Variants in TOM1L1 observed in about 807,000 individuals in gnomAD.
TOM1L1 encodes target of myb1 like 1 membrane trafficking protein.
A neutral mutation model predicts 63.4 loss-of-function variants in TOM1L1; 64 were observed. That is an observed-to-expected ratio of 1.01 (90% CI 0.83 to 1.24). The LOEUF (loss-of-function observed/expected upper bound fraction) is 1.24. Among genes scored for constraint, TOM1L1 ranks in the 50% most tolerant of loss-of-function variants. TOM1L1 has a pLI of 0.00. For synonymous variants in TOM1L1, 166 were observed against 194.4 expected, an observed-to-expected ratio of 0.85 and a Z score of 1.22; for missense variants, 536 against 567.0, an observed-to-expected ratio of 0.95 and a Z score of 0.55.
At chr17:54,916,222 A>G (rs2048586749) in intron 7 of TOM1L1, 3 of 319,370 alleles carry the variant, frequency 9.4e-6, no homozygotes, top group Admixed American at 9.3e-5. Flanking sequence ...GAAGGAGGCT[A>G]TTCTAGTCCT....
chr17:54,909,757 C>T (rs573406282), intron 3 of TOM1L1, among the ~76,000 whole-genome samples: 42 of 152,304 alleles, frequency 2.8e-4, no homozygotes, highest in Admixed American at 7.8e-4. Context: ...TGGAGTCACC[C>T]ACTTCAGTCT....
chr17:54,947,521 T>A (rs2049140674), intron 12 of TOM1L1, among the ~76,000 whole-genome samples: 1 of 152,264 alleles, frequency 6.6e-6, no homozygotes, highest in Admixed American at 6.5e-5. Context: ...ACTTCAGACA[T>A]GCTCTTCTAC....
intron 1 of TOM1L1, among the ~76,000 whole-genome samples, chr17:54,901,658 G>A (rs1010471331): frequency 6.6e-6 from 1 of 152,090 alleles, no homozygotes; most frequent in African/African-American, 2.4e-5. Flanking sequence ...CTTGGGAATT[G>A]GGTGTGGCAC....
At chr17:54,934,696 G>A (rs9900816) in intron 8 of TOM1L1, among the ~76,000 whole-genome samples, 43,939 of 150,936 alleles carry the variant, frequency 0.29, 6,395 homozygotes, top group Middle Eastern at 0.31. Flanking sequence ...TAAGAAGCTA[G>A]TGCTATAACT....
At chr17:54,921,352 T>TAAGG (rs1462480901) in intron 7 of TOM1L1, among the ~76,000 whole-genome samples, 1 of 152,188 alleles carries the variant, frequency 6.6e-6, no homozygotes, top group Non-Finnish European at 1.5e-5. Context: ...ACAAATTCTA[T>TAAGG]ATAGCATTTT....
intron 12 of TOM1L1, among the ~76,000 whole-genome samples, chr17:54,947,764 G>A (rs569120146): frequency 6.6e-6 from 1 of 152,076 alleles, no homozygotes; most frequent in Non-Finnish European, 1.5e-5. Context: ...ACCTTTTCTT[G>A]TTGGAGACCC....
chr17:54,943,538 T>C (rs1207998613), intron 11 of TOM1L1, among the ~76,000 whole-genome samples: 1 of 151,670 alleles, frequency 6.6e-6, no homozygotes, highest in Non-Finnish European at 1.5e-5. Context: ...TTCCTGTTAT[T>C]TTGCTAATTT....
At chr17:54,914,598 G>A (rs1222952643) in intron 5 of TOM1L1, 41 bp from the exon 6 acceptor site, 2 of 1,552,616 alleles carry the variant, frequency 1.3e-6, no homozygotes, top group African/African-American at 2.7e-5. Context: ...GGGTGGCTAT[G>A]TTAATTCACA....
At chr17:54,935,159 G>T (rs186012977) in intron 8 of TOM1L1, among the ~76,000 whole-genome samples, 166 of 152,278 alleles carry the variant, frequency 1.1e-3, no homozygotes, top group Non-Finnish European at 8.8e-5. Context: ...GGGGGGCTGA[G>T]TCCAAAAAAT....
intron 14 of TOM1L1, chr17:54,953,016 AC>A (rs2049313409): frequency 6.6e-6 from 1 of 152,212 alleles, no homozygotes; most frequent in Non-Finnish European, 1.5e-5. Context: ...CCCCTTATAT[AC>A]ATTTCTTCCT....
At chr17:54,937,712 C>G (rs2048972547) in intron 10 of TOM1L1, 1 of 152,660 alleles carries the variant, frequency 6.6e-6, no homozygotes, top group Admixed American at 6.5e-5. Context: ...GTTCTGCCAC[C>G]TCTCAGCCAC....
chr17:54,943,984 A>G (rs2049075792), intron 11 of TOM1L1, among the ~76,000 whole-genome samples: 2 of 141,888 alleles, frequency 1.4e-5, no homozygotes, highest in African/African-American at 5.4e-5. Flanking sequence ...TCTCAAATAA[A>G]TAAATAAATA....
Position 54,913,772 on chromosome 17 carries a change from G to T in TOM1L1, c.397G>T (p.Gly133Cys). 1 of 1,611,804 alleles carries T rather than the reference G, an allele frequency of 6.2e-7. No homozygotes were observed. The highest frequency in any genetic ancestry group is 8.5e-7 in the Non-Finnish European group (1 of 1,178,636). Residue 133 changes from glycine (G) to cysteine (C), a missense_variant, in exon 5 of 16, where the codon GGT becomes TGT. Gly to Cys is a radical substitution (Grantham distance 159). Transcript: ENST00000575882. ...GACTTGGTCACAGGGCTTCCCAGGA[G>T]GTGTGGATGTAAGCGAAGTCAAAGA... Reference protein sequence around the residue: ...IKTWSQGFPGGVDVSEVKEVY... With the variant: ...IKTWSQGFPGCVDVSEVKEVY...
intron 11 of TOM1L1, among the ~76,000 whole-genome samples, chr17:54,941,280 A>G (rs1264631492): frequency 6.6e-6 from 1 of 152,198 alleles, no homozygotes; most frequent in Non-Finnish European, 1.5e-5. Flanking sequence ...GTACCCAATC[A>G]CTGAATTACT....
At chr17:54,936,537 G>A (rs575088553) in intron 8 of TOM1L1, 112 bp from the exon 9 acceptor site, 83 of 880,294 alleles carry the variant, frequency 9.4e-5, no homozygotes, top group Non-Finnish European at 1.4e-4. Flanking sequence ...ATTGTGTGAG[G>A]ATGAGGCTGA....
chr17:54,936,258 G>A (rs2048944691), intron 8 of TOM1L1, among the ~76,000 whole-genome samples: 1 of 152,000 alleles, frequency 6.6e-6, no homozygotes, highest in Admixed American at 6.6e-5. Flanking sequence ...AGATTCATAA[G>A]GTAAAATATA....
intron 6 of TOM1L1, 102 bp downstream of exon 6, chr17:54,914,845 A>C (rs756422177): frequency 1.2e-5 from 11 of 909,340 alleles, no homozygotes; most frequent in Non-Finnish European, 2.0e-5. Flanking sequence ...AGATGTAGGT[A>C]CACTCATTTC....
chr17:54,905,614 A>G lies in TOM1L1; in HGVS notation c.222+47A>G, dbSNP rs758185024. 5 of 1,223,592 alleles carry G rather than the reference A, an allele frequency of 4.1e-6. No homozygotes were observed. The Admixed American group carries it at 8.1e-5, about 20-fold the overall frequency. 75.8% of individuals were successfully genotyped at this position (1,223,592 alleles called of 1,614,324 possible). ...TTAAGACTCGAGGATTTCTCAAGCT[A>G]TAGTTACATTTTTAATCCTGGGTAA... is the stretch of plus-strand genomic sequence containing the variant. On this transcript the variant is annotated intron_variant, in intron 3 of 15. Transcript: ENST00000575882.
intron 14 of TOM1L1, among the ~76,000 whole-genome samples, chr17:54,950,501 A>T (rs1160227921): frequency 3.3e-5 from 5 of 152,184 alleles, no homozygotes; most frequent in African/African-American, 1.2e-4. Flanking sequence ...TTATGAACTG[A>T]TCCAAAAAAA....
Sources: gnomAD v4.1 joint callset for allele counts (sites outside exome capture counted in the v4.1 genomes callset) on GRCh38, gnomAD v4.1.1 for gene constraint, MANE v1.5 for transcripts, NCBI Gene and HGNC (gene_info 2026-07-23, HGNC 2026-07-21) for gene names.